The following ZMYND8 variants were observed in gnomAD, a reference collection of about 807,000 sequenced individuals.
The protein encoded by ZMYND8 is zinc finger MYND-type containing 8, also known as MYND-type zinc finger-containing chromatin reader ZMYND8.
In ZMYND8, 37 loss-of-function variants were observed where a neutral mutation model predicts 140.8. The observed-to-expected ratio is 0.26, with a 90% CI of 0.20 to 0.35. The LOEUF (loss-of-function observed/expected upper bound fraction) is 0.35. Among genes scored for constraint, ZMYND8 ranks in the 10% least tolerant of loss-of-function variants. The probability of loss-of-function intolerance (pLI) is 1.00; values close to 1 mark genes in which losing one functional copy is unlikely to be tolerated. For synonymous variants in ZMYND8, 592 were observed against 597.1 expected, an observed-to-expected ratio of 0.99 and a Z score of 0.12; for missense variants, 1,068 against 1,570.0, an observed-to-expected ratio of 0.68 and a Z score of 5.40.
intron 11 of ZMYND8, among the ~76,000 whole-genome samples, chr20:47,273,359 A>T (rs1220034253): frequency 6.6e-6 from 1 of 152,136 alleles, no homozygotes; most frequent in Non-Finnish European, 1.5e-5. Context: ...CAGCCTGGCC[A>T]ACATGGTGAA....
At chr20:47,337,685 A>G (rs1267301913) in intron 2 of ZMYND8, among the ~76,000 whole-genome samples, 1 of 152,166 alleles carries the variant, frequency 6.6e-6, no homozygotes, top group African/African-American at 2.4e-5. Flanking sequence ...CTCAGAAAAT[A>G]TTAGCCACGC....
intron 2 of ZMYND8, among the ~76,000 whole-genome samples, chr20:47,334,182 A>C (rs192937365): frequency 1.8e-4 from 28 of 152,250 alleles, no homozygotes; most frequent in Middle Eastern, 3.4e-3. Flanking sequence ...TACCCTCGTG[A>C]TCATGTGGCT....
intron 2 of ZMYND8, among the ~76,000 whole-genome samples, chr20:47,311,216 T>C (rs2078906567): frequency 6.6e-6 from 1 of 152,170 alleles, no homozygotes; most frequent in South Asian, 2.1e-4. Context: ...GAGACCCTCC[T>C]CCAAAAAGAT....
At chr20:47,349,802 A>G in intron 1 of ZMYND8, 1 of 1,532,126 alleles carries the variant, frequency 6.5e-7, no homozygotes, top group Non-Finnish European at 8.7e-7. Context: ...CTGTGATCCA[A>G]CTGAAATCTA....
intron 2 of ZMYND8, among the ~76,000 whole-genome samples, chr20:47,321,212 G>A (rs956785563): frequency 2.6e-5 from 4 of 152,178 alleles, no homozygotes; most frequent in African/African-American, 9.7e-5. Context: ...CAGGGATCAC[G>A]TCTGTATCCC....
chr20:47,222,133 C>T (rs2146943375), intron 19 of ZMYND8, among the ~76,000 whole-genome samples: 1 of 152,330 alleles, frequency 6.6e-6, no homozygotes, highest in African/African-American at 2.4e-5. Context: ...TTTTTAGCCC[C>T]AGAGACTTTC....
chr20:47,213,377 G>A (rs1193952563), intron 21 of ZMYND8, among the ~76,000 whole-genome samples: 1 of 152,076 alleles, frequency 6.6e-6, no homozygotes, highest in East Asian at 1.9e-4. Flanking sequence ...AAGATCAAGA[G>A]AAAAAATAGA....
At position 47,296,250 on chromosome 20, in the gene ZMYND8, C is replaced by A. The variant is rs375306226; in HGVS notation, c.454-1471G>T. 3.9e-5 allele frequency among the ~76,000 whole-genome samples: 6 copies of A among 152,152 alleles called. No homozygotes were observed. The East Asian group carries it at 1.2e-3, about 29-fold the overall frequency. ...GCTGCCTGCCCAACTATCATTCATT[C>A]CCTCTCACCCCCCACTCCTTCTTCC... On this transcript the variant is annotated intron_variant, in intron 4 of 22. Transcript: ENST00000471951.
intron 3 of ZMYND8, among the ~76,000 whole-genome samples, chr20:47,300,671 C>A (rs1419509540): frequency 5.9e-5 from 9 of 152,128 alleles, no homozygotes; most frequent in Admixed American, 5.2e-4. Flanking sequence ...GCAAGAGTTG[C>A]CAAGAAGGCA....
intron 11 of ZMYND8, among the ~76,000 whole-genome samples, chr20:47,262,754 A>G (rs377232379): frequency 1.7e-4 from 26 of 152,354 alleles, no homozygotes; most frequent in African/African-American, 5.8e-4. Flanking sequence ...CTCAACATAA[A>G]TAGCGATTAA....
intron 16 of ZMYND8, among the ~76,000 whole-genome samples, chr20:47,233,837 A>T (rs2038870319): frequency 6.6e-6 from 1 of 152,206 alleles, no homozygotes; most frequent in South Asian, 2.1e-4. Context: ...GCCTAGAGTA[A>T]ATGCTATGCA....
intron 17 of ZMYND8, among the ~76,000 whole-genome samples, chr20:47,228,018 G>A (rs1020546621): frequency 3.3e-5 from 5 of 151,912 alleles, no homozygotes; most frequent in Admixed American, 6.6e-5. Flanking sequence ...ATTTGAACCC[G>A]GGAGGCGGAG....
intron 2 of ZMYND8, chr20:47,318,886 G>C (rs771148936): frequency 9.7e-6 from 12 of 1,233,342 alleles, no homozygotes; most frequent in Non-Finnish European, 1.3e-5. Flanking sequence ...CATTTCACCA[G>C]GAACATCAAG....
chr20:47,283,682 C>G, intron 8 of ZMYND8, 34 bp from the exon 9 acceptor site: 1 of 1,602,170 alleles, frequency 6.2e-7, no homozygotes, highest in East Asian at 2.2e-5. Context: ...ATGTGTCACC[C>G]CAGGGGTGGA....
chr20:47,251,939 G>A (rs2074214926), intron 12 of ZMYND8, among the ~76,000 whole-genome samples: 1 of 151,708 alleles, frequency 6.6e-6, no homozygotes, highest in East Asian at 1.9e-4. Context: ...CCCCGAGTTT[G>A]CATTTTTGAC....
intron 2 of ZMYND8, among the ~76,000 whole-genome samples, chr20:47,315,577 GTGGGT>G (rs2079318271): frequency 6.6e-6 from 1 of 152,130 alleles, no homozygotes; most frequent in South Asian, 2.1e-4. Flanking sequence ...TGATGGACTG[GTGGGT>G]GTACACCTGA....
intron 3 of ZMYND8, among the ~76,000 whole-genome samples, chr20:47,299,498 G>A (rs941590730): frequency 6.6e-6 from 1 of 152,174 alleles, no homozygotes; most frequent in Admixed American, 6.5e-5. Context: ...TTTGCCCTGG[G>A]ATTCTTCAAA....
intron 18 of ZMYND8, among the ~76,000 whole-genome samples, chr20:47,225,596 A>AGGGAGGGGAAT (rs1278247657): frequency 2.1e-4 from 1 of 4,800 alleles, no homozygotes; most frequent in African/African-American, 1.2e-3. Flanking sequence ...AGGAAGGGGA[A>AGGGAGGGGAAT]GGAGGGGATG....
At chr20:47,279,342 C>G (rs1447113200) in intron 10 of ZMYND8, among the ~76,000 whole-genome samples, 2 of 151,972 alleles carry the variant, frequency 1.3e-5, no homozygotes, top group African/African-American at 4.8e-5. Flanking sequence ...TGGTGGCACG[C>G]CCCTGTAATA....
Sources: gnomAD v4.1 joint callset for allele counts (sites outside exome capture counted in the v4.1 genomes callset) on GRCh38, gnomAD v4.1.1 for gene constraint, MANE v1.5 for transcripts, NCBI Gene and HGNC (gene_info 2026-07-23, HGNC 2026-07-21) for gene names.